ZNF608: variants seen among roughly 807,000 people sequenced by gnomAD.
The protein encoded by ZNF608 is renal carcinoma antigen NY-REN-36.
Under a neutral mutation model 109.0 loss-of-function variants are expected in ZNF608, and 12 were observed. That is an observed-to-expected ratio of 0.11 (90% CI 0.07 to 0.18). The LOEUF (loss-of-function observed/expected upper bound fraction) is 0.18. Among genes scored for constraint, ZNF608 ranks in the 10% least tolerant of loss-of-function variants. The probability of loss-of-function intolerance (pLI) is 1.00; values close to 1 mark genes in which losing one functional copy is unlikely to be tolerated. For missense variants in ZNF608, 1,707 were observed against 1,879.3 expected, an observed-to-expected ratio of 0.91 and a Z score of 1.70; for synonymous variants, 732 against 717.4, an observed-to-expected ratio of 1.02 and a Z score of -0.33.
intron 2 of ZNF608, among the ~76,000 whole-genome samples, chr5:124,726,545 A>G (rs1351398747): frequency 1.3e-5 from 2 of 152,114 alleles, no homozygotes; most frequent in Non-Finnish European, 2.9e-5. Context: ...TGCCTACCAA[A>G]GAAGCCTATC....
chr5:124,715,015 C>G (rs1224496748), intron 2 of ZNF608, among the ~76,000 whole-genome samples: 1 of 152,206 alleles, frequency 6.6e-6, no homozygotes, highest in Non-Finnish European at 1.5e-5. Flanking sequence ...TCAGGATCTT[C>G]TGCTTCTAGT....
In ZNF608 at chr5:124,647,683, C is replaced by T. The variant is rs748021298; in HGVS notation, c.2701G>A (p.Ala901Thr). ...AAAGTGCTGCATTCCAGCCTCGAGGCGCTCCCTATGGAAGGGCTGGGAGCG... is the reference window on the plus strand; with the variant it reads ...AAAGTGCTGCATTCCAGCCTCGAGGTGCTCCCTATGGAAGGGCTGGGAGCG... ...DNAPSPSIGS[A>T]SRLECSTLVN... Residue 901 changes from alanine to threonine, a missense_variant, in exon 5 of 10, where the codon GCC (alanine) becomes ACC (threonine). By Grantham distance (58) the Ala-to-Thr change is moderately conservative (BLOSUM62 0). Transcript: ENST00000513986. 3.1e-6 allele frequency: 5 copies of T among 1,614,092 alleles called. No homozygotes were observed. The highest frequency in any genetic ancestry group is 4.5e-5 in the East Asian group (2 of 44,894).
chr5:124,675,771 C>T (rs1751923220), intron 3 of ZNF608, among the ~76,000 whole-genome samples: 1 of 152,190 alleles, frequency 6.6e-6, no homozygotes, highest in South Asian at 2.1e-4. Context: ...CGGCGTTAGG[C>T]ACTTCTAGGT....
In ZNF608 at chr5:124,744,157, T is replaced by A; in HGVS notation, c.833A>T (p.Asn278Ile). The change falls in exon 2 of 10, where the codon AAC becomes ATC. Residue 278 changes from asparagine (N) to isoleucine (I), a missense_variant. By Grantham distance (149) the Asn-to-Ile change is moderately radical. Around this residue, in one of 7 missense-constraint regions of ZNF608, gnomAD observed 407 missense variants for 398.7 expected, o/e 1.02. Transcript: ENST00000513986. This position sits in a 1 kb window ranked among gnomAD's most constrained non-coding sequence, Gnocchi z 4.5. Reference sequence around the variant, plus strand: ...CTCTTCCTTCTTTACCAACATAGAGTTTCCCATGAGCCCTGAATCCGGGGC... The same window carrying A: ...CTCTTCCTTCTTTACCAACATAGAGATTCCCATGAGCCCTGAATCCGGGGC... Reference protein sequence around the residue: ...KSAPDSGLMGNSMLVKKEEEE... With the variant: ...KSAPDSGLMGISMLVKKEEEE... The A allele has an allele frequency of 6.2e-7, 1 of 1,613,180 alleles. No individual in the cohort carries two copies. Among genetic ancestry groups the A allele is most frequent in the South Asian group, 1.1e-5 (1 of 91,012 alleles).
chr5:124,654,245 C>T (rs6878232), intron 3 of ZNF608, among the ~76,000 whole-genome samples: 31,624 of 151,552 alleles, frequency 0.21, 3,636 homozygotes, highest in African/African-American at 0.32. Flanking sequence ...TGGTCTTGAA[C>T]TCCTGGCCTC....
chr5:124,736,979 G>T (rs1325115519), intron 2 of ZNF608, among the ~76,000 whole-genome samples: 1 of 152,170 alleles, frequency 6.6e-6, no homozygotes, highest in African/African-American at 2.4e-5. Flanking sequence ...ACTGTCAGGG[G>T]AAGGCAGTAA....
At chr5:124,669,502 G>C (rs1281467753) in intron 3 of ZNF608, among the ~76,000 whole-genome samples, 2 of 152,142 alleles carry the variant, frequency 1.3e-5, no homozygotes, top group Non-Finnish European at 2.9e-5. Flanking sequence ...AAACAAATGG[G>C]CTGTCCCTGC....
At chr5:124,655,195 G>T (rs1750952625) in intron 3 of ZNF608, among the ~76,000 whole-genome samples, 1 of 152,230 alleles carries the variant, frequency 6.6e-6, no homozygotes, top group Non-Finnish European at 1.5e-5. Flanking sequence ...GACATTCTCT[G>T]TGGAGAGGCT....
chr5:124,680,490 G>A (rs1167187944), intron 3 of ZNF608, among the ~76,000 whole-genome samples: 1 of 152,154 alleles, frequency 6.6e-6, no homozygotes, highest in Non-Finnish European at 1.5e-5. Flanking sequence ...GGGGAAAACT[G>A]ATAAAAGCAA....
At chr5:124,667,132 G>GCT (rs1488899724) in intron 3 of ZNF608, among the ~76,000 whole-genome samples, 1 of 152,144 alleles carries the variant, frequency 6.6e-6, no homozygotes, top group Non-Finnish European at 1.5e-5. Flanking sequence ...CTGAGTGCAT[G>GCT]AAGTATTTAA....
chr5:124,745,185 G>T lies in ZNF608; in HGVS notation c.-183-13C>A. ...GGTCCACCTTTTCCTGTGAAGGGGG[G>T]GGGAAAAGTCGAATATTTCTTGTCT... On this transcript the variant is annotated splice_polypyrimidine_tract_variant and intron_variant, in intron 1 of 9. Coordinates refer to ENST00000513986, the MANE Select transcript of ZNF608 (RefSeq NM_020747.3). 3.6e-6 allele frequency: 5 copies of T among 1,404,270 alleles called. No homozygotes were observed. The highest frequency in any genetic ancestry group is 4.6e-6 in the Non-Finnish European group (5 of 1,088,110). 87.0% of individuals were successfully genotyped at this position (1,404,270 alleles called of 1,614,324 possible). A position where few individuals can be genotyped will look rare whatever the true frequency, so the allele number is the denominator to read the frequency against.
intron 3 of ZNF608, among the ~76,000 whole-genome samples, chr5:124,681,269 A>G (rs529670838): frequency 3.2e-4 from 49 of 152,260 alleles, no homozygotes; most frequent in African/African-American, 8.2e-4. Flanking sequence ...CCTGGTCAAC[A>G]TGGTGAAACC....
rs1474199830 is a variant in ZNF608 at position 124,725,231 on chromosome 5, C to T, written c.906+18853G>A. On this transcript the variant is annotated intron_variant, in intron 2 of 9. Coordinates refer to ENST00000513986, the MANE Select transcript of ZNF608 (RefSeq NM_020747.3). Reference sequence around the variant, plus strand: ...TCTTCTTTTCCACCATCTCTTTCTACCACCTTCTCCTGCTTGATTCTCCCT... The same window carrying T: ...TCTTCTTTTCCACCATCTCTTTCTATCACCTTCTCCTGCTTGATTCTCCCT... 4.6e-5 allele frequency among the ~76,000 whole-genome samples: 7 copies of T among 152,034 alleles called. No individual in the cohort carries two copies. The East Asian group carries it at 5.8e-4, about 13-fold the overall frequency.
chr5:124,679,970 G>A (rs1212853329), intron 3 of ZNF608, among the ~76,000 whole-genome samples: 2 of 152,162 alleles, frequency 1.3e-5, no homozygotes, highest in Non-Finnish European at 2.9e-5. Flanking sequence ...AACAGCTCAT[G>A]TTGATAAGTA....
In ZNF608 at chr5:124,744,705, C is replaced by A. The variant is rs148188689; in HGVS notation, c.285G>T (p.Gly95=). 71 of 1,614,176 alleles carry A rather than the reference C, an allele frequency of 4.4e-5. No homozygotes were observed. In the African/African-American group the frequency reaches 8.5e-4, roughly 19 times the overall value. The change falls in exon 2 of 10, where the codon GGG becomes GGT. Residue 95 remains glycine (G), a synonymous_variant. Transcript: ENST00000513986. This position sits in a 1 kb window ranked among gnomAD's most constrained non-coding sequence, Gnocchi z 4.5. ...FASVQASAPQ[G]NSHKETSKSK... ...ATTTGCTGGTCTCTTTGTGTGAATT[C>A]CCCTGGGGAGCAGAGGCCTGAACAG...
In ZNF608 at chr5:124,744,268, T is replaced by C. The variant is rs1749545022; in HGVS notation, c.722A>G (p.Lys241Arg). The C allele has an allele frequency of 1.9e-6, 3 of 1,613,658 alleles. No individual in the cohort carries two copies. In the East Asian group the frequency reaches 6.7e-5, roughly 36 times the overall value. Residue 241 changes from lysine to arginine, a missense_variant, in exon 2 of 10, where the codon AAG becomes AGG. Physicochemically the swap from Lys to Arg is conservative, Grantham distance 26 (BLOSUM62 2). Transcript: ENST00000513986. The surrounding 1 kb of genome is among the most constrained non-coding windows in gnomAD (Gnocchi z 4.5). ...SGGHLYGFGAKSNGGGASPFH... is the reference protein window; with the variant it reads ...SGGHLYGFGARSNGGGASPFH... ...GGGGCTCGCGCCACCTCCATTGCTC[T>C]TGGCCCCAAAGCCATAGAGGTGCCC...
chr5:124,705,928 C>T (rs747397367), intron 2 of ZNF608, among the ~76,000 whole-genome samples: 1 of 152,236 alleles, frequency 6.6e-6, no homozygotes, highest in African/African-American at 2.4e-5. Flanking sequence ...AATTACTACA[C>T]ACCTGCCATT....
intron 7 of ZNF608, among the ~76,000 whole-genome samples, chr5:124,642,460 G>A (rs71592835): frequency 0.013 from 1,945 of 152,226 alleles, 19 homozygotes; most frequent in Middle Eastern, 0.024. Flanking sequence ...AGCTTTGCTC[G>A]TGATGAACCC....
intron 3 of ZNF608, among the ~76,000 whole-genome samples, chr5:124,689,799 C>T (rs59188650): frequency 1.3e-5 from 2 of 152,216 alleles, no homozygotes; most frequent in East Asian, 3.9e-4. Flanking sequence ...GCCACTTTTC[C>T]AAAAAACAGT....
Sources: allele counts gnomAD v4.1 joint callset (sites outside exome capture counted in the v4.1 genomes callset), GRCh38; gene constraint gnomAD v4.1.1; regional missense constraint gnomAD v4.1.1; non-coding constraint Gnocchi (gnomAD v3.1); transcripts MANE v1.5; gene names NCBI Gene and HGNC (gene_info 2026-07-23, HGNC 2026-07-21).